RIPOR3: variants seen among roughly 807,000 people sequenced by gnomAD.
RIPOR3 encodes RIPOR family member 3.
RIPOR3 carries 95 observed loss-of-function variants against 114.3 expected under a neutral mutation model. That is an observed-to-expected ratio of 0.83 (90% CI 0.70 to 0.99). The LOEUF is 0.99. Ranked by LOEUF, RIPOR3 falls within the 50% of genes least tolerant of loss-of-function variation. The pLI is 0.00. For missense variants in RIPOR3, 1,252 were observed against 1,266.9 expected, an observed-to-expected ratio of 0.99 and a Z score of 0.18; for synonymous variants, 575 against 543.8, an observed-to-expected ratio of 1.06 and a Z score of -0.80.
At chr20:50,644,676 C>CTTTTTTTTT (rs61225138) in intron 1 of RIPOR3, among the ~76,000 whole-genome samples, 8 of 74,580 alleles carry the variant, frequency 1.1e-4, no homozygotes, top group South Asian at 4.9e-4. Flanking sequence ...TTTTTGTTTG[C>CTTTTTTTTT]TTTTTTTTTT....
At chr20:50,597,837 C>G in intron 13 of RIPOR3, 127 bp from the exon 14 acceptor site, 1 of 1,394,726 alleles carries the variant, frequency 7.2e-7, no homozygotes, top group Non-Finnish European at 9.6e-7. Context: ...CACACACCGT[C>G]CCCCAGCAGA....
rs749320429 is a variant in RIPOR3, at chr20:50,608,785, C to T, written c.685-47G>A. The T allele has an allele frequency of 1.9e-6, 3 of 1,612,578 alleles. No individual in the cohort carries two copies. The East Asian group carries it at 6.7e-5, about 36-fold the overall frequency. On this transcript the variant is annotated intron_variant, in intron 9 of 21. Coordinates refer to ENST00000327979, the MANE Select transcript of RIPOR3 (RefSeq NM_001290268.2). ...GCCGCGTCAGCCCAGGTGGGTGTCC[C>T]CTTGCTGTCCGCCCAGGGCCCTCCC...
chr20:50,651,034 T>C (rs1041463384), intron 1 of RIPOR3, among the ~76,000 whole-genome samples: 4 of 151,914 alleles, frequency 2.6e-5, no homozygotes, highest in African/African-American at 9.7e-5. Flanking sequence ...TGCAGTGGCA[T>C]GATCTCAGCT....
chr20:50,587,453 AG>A, intron 21 of RIPOR3, 121 bp from the exon 22 acceptor site: 1 of 800,422 alleles, frequency 1.2e-6, no homozygotes, highest in East Asian at 2.6e-5. Context: ...GCAAAGCGGC[AG>A]GGGAGGGAGT....
intron 1 of RIPOR3, among the ~76,000 whole-genome samples, chr20:50,683,454 C>CTTTT (rs11392130): frequency 6.9e-6 from 1 of 145,652 alleles, no homozygotes; most frequent in Non-Finnish European, 1.5e-5. Flanking sequence ...CTTACTTTTT[C>CTTTT]TTTTTTTTTT....
At chr20:50,596,740 G>A (rs1197906748) in intron 14 of RIPOR3, among the ~76,000 whole-genome samples, 1 of 152,220 alleles carries the variant, frequency 6.6e-6, no homozygotes, top group African/African-American at 2.4e-5. Flanking sequence ...AGTGTGGCAC[G>A]AAACACCGCA....
intron 11 of RIPOR3, among the ~76,000 whole-genome samples, chr20:50,606,700 C>T (rs1353136181): frequency 6.6e-6 from 1 of 151,378 alleles, no homozygotes; most frequent in Non-Finnish European, 1.5e-5. Flanking sequence ...CTCGGGCCCA[C>T]TCCCACCCTG....
At chr20:50,682,804 C>T (rs989493667) in intron 1 of RIPOR3, among the ~76,000 whole-genome samples, 16 of 151,664 alleles carry the variant, frequency 1.1e-4, no homozygotes, top group Admixed American at 2.6e-4. Flanking sequence ...CTTGGCTCAC[C>T]GCAACCTCTG....
At chr20:50,647,631 C>T (rs560892860) in intron 1 of RIPOR3, among the ~76,000 whole-genome samples, 14 of 151,668 alleles carry the variant, frequency 9.2e-5, no homozygotes, top group Admixed American at 4.6e-4. Flanking sequence ...TACAGGCGCC[C>T]GCTACCATGC....
intron 11 of RIPOR3, 136 bp from the exon 12 acceptor site, chr20:50,604,910 G>A: frequency 9.0e-7 from 1 of 1,115,960 alleles, no homozygotes; most frequent in East Asian, 2.9e-5. Context: ...TGGTGTGTGA[G>A]GAGCTCTGCT....
chr20:50,624,863 C>A (rs1205993633), intron 2 of RIPOR3, among the ~76,000 whole-genome samples: 4 of 152,188 alleles, frequency 2.6e-5, no homozygotes, highest in Non-Finnish European at 4.4e-5. Flanking sequence ...TGGAGGCAGA[C>A]AGGGCCGGGC....
intron 1 of RIPOR3, among the ~76,000 whole-genome samples, chr20:50,683,484 A>C (rs368767510): frequency 6.8e-6 from 1 of 147,784 alleles, no homozygotes; most frequent in South Asian, 2.1e-4. Context: ...ACGGAGTCTC[A>C]CTCCATTGGC....
At chr20:50,595,872 C>T (rs763425708) in intron 15 of RIPOR3, among the ~76,000 whole-genome samples, 2 of 152,182 alleles carry the variant, frequency 1.3e-5, no homozygotes, top group Admixed American at 1.3e-4. Flanking sequence ...GTTGGCTGAG[C>T]CAGTTTGCAT....
At chr20:50,612,812 G>T (rs2084021880) in intron 4 of RIPOR3, among the ~76,000 whole-genome samples, 1 of 152,200 alleles carries the variant, frequency 6.6e-6, no homozygotes, top group African/African-American at 2.4e-5. Flanking sequence ...TTCCATTTAA[G>T]CCAGGTGAAG....
rs1313284953 is a variant in RIPOR3, at chr20:50,593,156, C to A, written c.2253G>T (p.Gly751=). 1.2e-6 allele frequency: 2 copies of A among 1,613,630 alleles called. No homozygotes were observed. Among genetic ancestry groups the A allele is most frequent in the African/African-American group, 1.3e-5 (1 of 75,072 alleles). The change falls in exon 18 of 22, where the codon GGG becomes GGT. Residue 751 remains glycine, a synonymous_variant. Coordinates refer to ENST00000327979, the MANE Select transcript of RIPOR3 (RefSeq NM_001290268.2). ...CTGGGAGCCCAGCTCCGGGGAGCAG[C>A]CCACCACAGCTGACCACCTGCTCCA... ...RLLEQVVSCG[G]LLPGAGLPEE...
At chr20:50,676,243 T>G (rs2086672434) in intron 1 of RIPOR3, among the ~76,000 whole-genome samples, 1 of 152,216 alleles carries the variant, frequency 6.6e-6, no homozygotes. Flanking sequence ...AGGGTGAAGG[T>G]TGCTGCCCTG....
In RIPOR3 at chr20:50,592,474, C is replaced by T. The variant is rs1443009630; in HGVS notation, c.2447G>A (p.Gly816Asp). The change falls in exon 19 of 22, where the codon GGC becomes GAC. Residue 816 changes from glycine (G) to aspartate (D), a missense_variant. Gly to Asp is a moderately conservative substitution (Grantham distance 94, BLOSUM62 -1). Coordinates refer to ENST00000327979, the MANE Select transcript of RIPOR3 (RefSeq NM_001290268.2). The stretch of plus-strand genomic sequence containing the variant: ...GGTCTGGGGCAGAGGCTGGAGCTGG[C>T]CCAGCCGCTTCCCCTGCAGCTTCCG... ...VVRKLQGKRL[G>D]QLQPLPQTLR... The T allele has an allele frequency of 6.2e-7, 1 of 1,611,416 alleles. No individual in the cohort carries two copies.
intron 2 of RIPOR3, among the ~76,000 whole-genome samples, chr20:50,623,131 G>C (rs961113858): frequency 5.9e-5 from 9 of 151,770 alleles, no homozygotes; most frequent in Admixed American, 3.3e-4. Context: ...CGTGGTGGTG[G>C]ACACCTGTAA....
In RIPOR3 at chr20:50,587,825, G is replaced by A. The variant is rs1022281012; in HGVS notation, c.2729C>T (p.Ala910Val). 2 of 1,614,174 alleles carry A rather than the reference G, an allele frequency of 1.2e-6. No homozygotes were observed. The highest frequency in any genetic ancestry group is 1.7e-6 in the Non-Finnish European group (2 of 1,180,036). ...ACCGAACGACAGTGTGGTTTCCCGGGCTGCCGCCCGCACGGCCTCCAGGTC... is the reference window on the plus strand; with the variant it reads ...ACCGAACGACAGTGTGGTTTCCCGGACTGCCGCCCGCACGGCCTCCAGGTC... ...QSDLEAVRAAARETTLSFGEK... is the reference protein window; with the variant it reads ...QSDLEAVRAAVRETTLSFGEK... The change falls in exon 21 of 22, where the codon GCC (alanine) becomes GTC (valine). Residue 910 changes from alanine to valine, a missense_variant. Transcript: ENST00000327979.
Sources: gnomAD v4.1 joint callset for allele counts (sites outside exome capture counted in the v4.1 genomes callset) on GRCh38, gnomAD v4.1.1 for gene constraint, MANE v1.5 for transcripts, NCBI Gene and HGNC (gene_info 2026-07-23, HGNC 2026-07-21) for gene names.